Variants in ONECUT3 observed in about 807,000 individuals in gnomAD.
The protein encoded by ONECUT3 is one cut domain family member 3.
In ONECUT3, 11 loss-of-function variants were observed where a neutral mutation model predicts 16.8. The observed-to-expected ratio is 0.66, with a 90% CI of 0.41 to 1.09. ONECUT3 has a LOEUF of 1.09. ONECUT3 is among the 50% of genes least tolerant of loss of function. The pLI, the probability that ONECUT3 is intolerant of heterozygous loss-of-function variation, is 0.00. For synonymous variants in ONECUT3, 344 were observed against 310.7 expected (o/e 1.11, Z -1.13); for missense variants, 637 against 629.9 (o/e 1.01, Z -0.12).
At chr19:1,772,637 C>CCAT (rs1318349116) in intron 1 of ONECUT3, among the ~76,000 whole-genome samples, 2 of 151,392 alleles carry the variant, frequency 1.3e-5, no homozygotes, top group African/African-American at 4.9e-5. Flanking sequence ...CTTTCATTTC[C>CCAT]CATCTTTGCA....
At chr19:1,773,250 C>T (rs547995387) in intron 1 of ONECUT3, among the ~76,000 whole-genome samples, 1 of 145,542 alleles carries the variant, frequency 6.9e-6, no homozygotes, top group South Asian at 2.5e-4. Context: ...CTCCATTGTT[C>T]TCCCCCCTCC....
rs2068128729 is a variant in ONECUT3 at position 1,778,301 on chromosome 19, C to T, written c.*2856C>T. 1 of 152,110 alleles carries T rather than the reference C, an allele frequency of 6.6e-6. No homozygotes were observed. The highest frequency in any genetic ancestry group is 1.5e-5 in the Non-Finnish European group (1 of 68,042). 9.4% of individuals were successfully genotyped at this position (152,110 alleles called of 1,614,324 possible). On this transcript the variant is annotated 3_prime_UTR_variant, in exon 2 of 2. Transcript: ENST00000382349. The stretch of plus-strand genomic sequence containing the variant: ...GATTTCTTGTAGATATGGGGTCTCA[C>T]TATGCTGCCCAGGCTGGTCTTGAAC...
intron 1 of ONECUT3, among the ~76,000 whole-genome samples, chr19:1,767,892 T>C (rs2068007655): frequency 6.6e-6 from 1 of 151,530 alleles, no homozygotes; most frequent in Non-Finnish European, 1.5e-5. Flanking sequence ...AGTTGATCTC[T>C]GATCTCCTCC....
rs1337120880 is a variant in ONECUT3, at chr19:1,753,785, C to T, written c.123C>T (p.Pro41=). 1 of 969,226 alleles carries T rather than the reference C, an allele frequency of 1.0e-6. No individual in the cohort carries two copies. The highest frequency in any genetic ancestry group is 1.2e-6 in the Non-Finnish European group (1 of 817,468). 60.0% of individuals were successfully genotyped at this position (969,226 alleles called of 1,614,324 possible). Residue 41 remains proline, a synonymous_variant, in exon 1 of 2, where the codon CCC becomes CCT. Coordinates refer to ENST00000382349, the MANE Select transcript of ONECUT3 (RefSeq NM_001080488.2). ...AAAQHRGLVA[P]GRPGLVAGMA... ...CGCAGCACCGCGGCCTGGTGGCGCC[C>T]GGGCGCCCGGGCCTGGTGGCCGGCA...
At chr19:1,774,592 C>T (rs1181741185) in intron 1 of ONECUT3, among the ~76,000 whole-genome samples, 1 of 152,076 alleles carries the variant, frequency 6.6e-6, no homozygotes, top group Non-Finnish European at 1.5e-5. Context: ...TCCCCAACAC[C>T]CCCAGGTTGG....
intron 1 of ONECUT3, among the ~76,000 whole-genome samples, chr19:1,774,793 T>C (rs2068089521): frequency 6.6e-6 from 1 of 151,848 alleles, no homozygotes; most frequent in African/African-American, 2.4e-5. Flanking sequence ...TGTCCCCTTC[T>C]TTGTCCTCCC....
intron 1 of ONECUT3, among the ~76,000 whole-genome samples, chr19:1,757,471 C>T (rs367682213): frequency 3.2e-4 from 48 of 152,362 alleles, no homozygotes; most frequent in African/African-American, 1.1e-3. Flanking sequence ...CTCCTGGCAC[C>T]CCGAGCCTCC....
intron 1 of ONECUT3, among the ~76,000 whole-genome samples, chr19:1,768,105 G>C (rs927787688): frequency 2.6e-5 from 4 of 152,088 alleles, no homozygotes; most frequent in Admixed American, 1.3e-4. Flanking sequence ...CATGGAGTGG[G>C]CATCCTGTCA....
chr19:1,755,456 C>A lies in ONECUT3; in HGVS notation c.1192+602C>A, dbSNP rs2067911804. Among the ~76,000 whole-genome samples, 1 of 152,116 alleles carries A rather than the reference C, an allele frequency of 6.6e-6. No individual in the cohort carries two copies. The highest frequency in any genetic ancestry group is 6.5e-5 in the Admixed American group (1 of 15,286). ...CCGCGATCGATACCCCCTCCCTCTC[C>A]CCTCCGGCCGCTGGCAAAGGTCACC... On this transcript the variant is annotated intron_variant, in intron 1 of 1. Coordinates refer to ENST00000382349, the MANE Select transcript of ONECUT3 (RefSeq NM_001080488.2). The surrounding 1 kb of genome is among the most constrained non-coding windows in gnomAD (Gnocchi z 7.5).
chr19:1,772,185 G>C (rs1003932397), intron 1 of ONECUT3, among the ~76,000 whole-genome samples: 13 of 150,354 alleles, frequency 8.6e-5, no homozygotes, highest in Non-Finnish European at 1.3e-4. Flanking sequence ...AATTTTTTTT[G>C]TATTTTTTGT....
At chr19:1,756,035 G>A (rs936221979) in intron 1 of ONECUT3, among the ~76,000 whole-genome samples, 30 of 152,188 alleles carry the variant, frequency 2.0e-4, no homozygotes, top group Non-Finnish European at 4.3e-4. Flanking sequence ...CGAGAAAGGC[G>A]GGGGCTCTGG....
chr19:1,756,551 C>T (rs937431566), intron 1 of ONECUT3, among the ~76,000 whole-genome samples: 1 of 152,108 alleles, frequency 6.6e-6, no homozygotes, highest in Non-Finnish European at 1.5e-5. Context: ...TTTATTGAGA[C>T]GGAGTTTCAC....
rs1388671379 is a variant in ONECUT3 at position 1,755,444 on chromosome 19, C to T, written c.1192+590C>T. On this transcript the variant is annotated intron_variant, in intron 1 of 1. Coordinates refer to ENST00000382349, the MANE Select transcript of ONECUT3 (RefSeq NM_001080488.2). The surrounding 1 kb of genome is among the most constrained non-coding windows in gnomAD (Gnocchi z 7.5). ...TGTAGTTCGGCCCCGCGATCGATAC[C>T]CCCTCCCTCTCCCCTCCGGCCGCTG... 1.3e-5 allele frequency among the ~76,000 whole-genome samples: 2 copies of T among 152,060 alleles called. No homozygotes were observed. The highest frequency in any genetic ancestry group is 2.4e-5 in the African/African-American group (1 of 41,406).
At position 1,779,423 on chromosome 19, in the gene ONECUT3, G is replaced by C. The variant is rs1316094995; in HGVS notation, c.*3978G>C. 1 of 151,756 alleles carries C rather than the reference G, an allele frequency of 6.6e-6. No individual in the cohort carries two copies. The highest frequency in any genetic ancestry group is 1.5e-5 in the Non-Finnish European group (1 of 67,892). 9.4% of individuals were successfully genotyped at this position (151,756 alleles called of 1,614,324 possible). On this transcript the variant is annotated 3_prime_UTR_variant, in exon 2 of 2. Coordinates refer to ENST00000382349, the MANE Select transcript of ONECUT3 (RefSeq NM_001080488.2). ...AGAGAGAGAGAGCGAGCGCAAGAGA[G>C]AGAGAGAGGGAGAGAGAGGGAGAGG...
intron 1 of ONECUT3, 28 bp from the exon 2 acceptor site, chr19:1,775,125 C>CGCCT: frequency 9.4e-7 from 1 of 1,062,364 alleles, no homozygotes. Context: ...GTGTCCCGCT[C>CGCCT]GCCCGCCCGC....
chr19:1,754,186 G>A lies in ONECUT3; in HGVS notation c.524G>A (p.Arg175Gln), dbSNP rs2067903946. The A allele has an allele frequency of 2.6e-6, 3 of 1,135,304 alleles. No homozygotes were observed. The highest frequency in any genetic ancestry group is 4.1e-5 in the Admixed American group (1 of 24,382). 70.3% of individuals were successfully genotyped at this position (1,135,304 alleles called of 1,614,324 possible). A position where few individuals can be genotyped will look rare whatever the true frequency, so the allele number is the denominator to read the frequency against. Reference sequence around the variant, plus strand: ...AGCTTCACCCTCATGCGCGACGAGCGGGCGGCGCTCGCCTCCGTGGGCCAC... The same window carrying A: ...AGCTTCACCCTCATGCGCGACGAGCAGGCGGCGCTCGCCTCCGTGGGCCAC... ...SGSFTLMRDE[R>Q]AALASVGHLY... The change falls in exon 1 of 2, where the codon CGG becomes CAG. Residue 175 changes from arginine to glutamine, a missense_variant. Physicochemically the swap from Arg to Gln is conservative, Grantham distance 43. This residue lies in a region of ONECUT3 where 419 missense variants were observed against 377.9 expected (regional missense o/e 1.11). Coordinates refer to ENST00000382349, the MANE Select transcript of ONECUT3 (RefSeq NM_001080488.2). This position sits in a 1 kb window ranked among gnomAD's most constrained non-coding sequence, Gnocchi z 7.4.
rs1568606224 is a variant in ONECUT3, at chr19:1,778,910, A to ACACACACACACACACACC, written c.*3468_*3469insACACACACACACACCCAC. ...CACACACACACACACACACACACAC[A>ACACACACACACACACACC]CACCCCTACCTGTTTCCGGACCCCA... On this transcript the variant is annotated 3_prime_UTR_variant, in exon 2 of 2. Transcript: ENST00000382349. 5 of 127,286 alleles carry ACACACACACACACACACC rather than the reference A, an allele frequency of 3.9e-5. No homozygotes were observed. The highest frequency in any genetic ancestry group is 1.5e-4 in the African/African-American group (5 of 32,600). 7.9% of individuals were successfully genotyped at this position (127,286 alleles called of 1,614,324 possible).
At chr19:1,768,181 T>G (rs1193407691) in intron 1 of ONECUT3, among the ~76,000 whole-genome samples, 1 of 147,858 alleles carries the variant, frequency 6.8e-6, no homozygotes. Context: ...AAAGAAGGGG[T>G]GTGGCAGGGG....
At position 1,759,408 on chromosome 19, in the gene ONECUT3, C is replaced by A. The variant is rs1348360718; in HGVS notation, c.1192+4554C>A. The stretch of plus-strand genomic sequence containing the variant: ...AATCTGGGAGTCCCCCTTAAAGGGA[C>A]AGGTGTCCACCCCCCACAAGCACTC... On this transcript the variant is annotated intron_variant, in intron 1 of 1. Coordinates refer to ENST00000382349, the MANE Select transcript of ONECUT3 (RefSeq NM_001080488.2). The surrounding 1 kb of genome is among the most constrained non-coding windows in gnomAD (Gnocchi z 4.1). Among the ~76,000 whole-genome samples the A allele has an allele frequency of 2.0e-5, 3 of 150,356 alleles. No homozygotes were observed. The Admixed American group carries it at 2.0e-4, about 10-fold the overall frequency.
Sources: allele counts gnomAD v4.1 joint callset (sites outside exome capture counted in the v4.1 genomes callset), GRCh38; gene constraint gnomAD v4.1.1; regional missense constraint gnomAD v4.1.1; non-coding constraint Gnocchi (gnomAD v3.1); transcripts MANE v1.5; gene names NCBI Gene and HGNC (gene_info 2026-07-23, HGNC 2026-07-21).